CNTN1: variants seen among roughly 807,000 people sequenced by gnomAD.
CNTN1 encodes the protein contactin 1.
Under a neutral mutation model 126.4 loss-of-function variants are expected in CNTN1, and 38 were observed. The observed-to-expected ratio is 0.30, with a 90% CI of 0.23 to 0.39. The LOEUF (loss-of-function observed/expected upper bound fraction) is 0.39, where lower values mean the gene tolerates loss of function less well. Ranked by LOEUF, CNTN1 falls within the 10% of genes least tolerant of loss-of-function variation. CNTN1 has a pLI of 1.00. For synonymous variants in CNTN1, 413 were observed against 422.6 expected (o/e 0.98, Z 0.28); for missense variants, 1,009 against 1,248.4 (o/e 0.81, Z 2.89).
chr12:40,871,186 G>GAAAAAAAA (rs201485882), intron 1 of CNTN1, among the ~76,000 whole-genome samples: 12 of 113,546 alleles, frequency 1.1e-4, no homozygotes, highest in East Asian at 3.9e-4. Flanking sequence ...CTGTTACAGA[G>GAAAAAAAA]AAAAAAAAAA....
At chr12:40,695,697 A>G (rs976106289) in intron 1 of CNTN1, among the ~76,000 whole-genome samples, 1 of 151,788 alleles carries the variant, frequency 6.6e-6, no homozygotes, top group African/African-American at 2.4e-5. Context: ...TCTATTTTCC[A>G]TATTGTCCAT....
At chr12:40,847,028 C>T (rs1326630693) in intron 1 of CNTN1, among the ~76,000 whole-genome samples, 7 of 152,102 alleles carry the variant, frequency 4.6e-5, no homozygotes, top group South Asian at 2.1e-4. Flanking sequence ...CCACCACGCC[C>T]GGCTAAATTT....
At chr12:40,717,688 A>T (rs1402960026) in intron 1 of CNTN1, among the ~76,000 whole-genome samples, 3 of 150,590 alleles carry the variant, frequency 2.0e-5, no homozygotes, top group African/African-American at 7.3e-5. Context: ...TTTATGTAGA[A>T]ATATAGTTTT....
chr12:40,878,114 C>T (rs1423446997), intron 1 of CNTN1, among the ~76,000 whole-genome samples: 1 of 149,846 alleles, frequency 6.7e-6, no homozygotes, highest in Non-Finnish European at 1.5e-5. Context: ...TCTCCTGCCT[C>T]AGCCTCCCGA....
At chr12:41,002,554 C>CTTTTTTTTTTTTT (rs200237008) in intron 17 of CNTN1, among the ~76,000 whole-genome samples, 2 of 131,514 alleles carry the variant, frequency 1.5e-5, no homozygotes, top group Non-Finnish European at 3.2e-5. Flanking sequence ...TATAGGGTTT[C>CTTTTTTTTTTTTT]TTTCTTTTTT....
intron 1 of CNTN1, among the ~76,000 whole-genome samples, chr12:40,797,854 G>A (rs1199246209): frequency 1.3e-5 from 2 of 151,996 alleles, no homozygotes; most frequent in East Asian, 3.9e-4. Context: ...ACATCTAAGT[G>A]GCAGATGGGT....
At chr12:40,953,268 C>T (rs1946752610) in intron 14 of CNTN1, among the ~76,000 whole-genome samples, 3 of 152,130 alleles carry the variant, frequency 2.0e-5, no homozygotes. Context: ...CAACTCTCCT[C>T]ATCTGAAGGG....
intron 23 of CNTN1, among the ~76,000 whole-genome samples, chr12:41,044,785 A>G (rs967670258): frequency 6.6e-6 from 1 of 152,100 alleles, no homozygotes; most frequent in Non-Finnish European, 1.5e-5. Flanking sequence ...GAATTTTCGG[A>G]GAATGAACCA....
chr12:40,700,448 C>G (rs1217726039), intron 1 of CNTN1, among the ~76,000 whole-genome samples: 1 of 152,000 alleles, frequency 6.6e-6, no homozygotes, highest in Non-Finnish European at 1.5e-5. Flanking sequence ...ATCATTTGAA[C>G]CCGGGAGGCA....
At chr12:40,737,355 G>GTC (rs1482206649) in intron 1 of CNTN1, among the ~76,000 whole-genome samples, 2 of 17,362 alleles carry the variant, frequency 1.2e-4, no homozygotes, top group African/African-American at 2.4e-4. Context: ...ATATATGTGT[G>GTC]TGTGTATATA....
chr12:40,710,179 G>A (rs1472388249), intron 1 of CNTN1, among the ~76,000 whole-genome samples: 1 of 152,044 alleles, frequency 6.6e-6, no homozygotes, highest in Non-Finnish European at 1.5e-5. Flanking sequence ...AAAATCTTAT[G>A]AAATCTTATG....
chr12:40,956,302 C>T (rs188770920), intron 14 of CNTN1, among the ~76,000 whole-genome samples: 101 of 152,180 alleles, frequency 6.6e-4, no homozygotes, highest in African/African-American at 2.4e-3. Context: ...ATAAAACAGA[C>T]GTATTTCCTC....
At chr12:40,994,299 T>G (rs1037164708) in intron 17 of CNTN1, among the ~76,000 whole-genome samples, 8 of 152,258 alleles carry the variant, frequency 5.3e-5, no homozygotes, top group Non-Finnish European at 7.4e-5. Context: ...ACTTAGGTCA[T>G]ATTGTATTAG....
chr12:41,035,955 A>T (rs1949250461), intron 23 of CNTN1, among the ~76,000 whole-genome samples: 1 of 152,178 alleles, frequency 6.6e-6, no homozygotes, highest in South Asian at 2.1e-4. Context: ...CAGGAGATGA[A>T]GGACATGATC....
intron 1 of CNTN1, among the ~76,000 whole-genome samples, chr12:40,876,759 C>A (rs1273913379): frequency 1.3e-5 from 2 of 152,056 alleles, no homozygotes; most frequent in South Asian, 2.1e-4. Flanking sequence ...CCAGAAATTT[C>A]TCTGCTTCCT....
In CNTN1 at chr12:40,943,577, A is replaced by G. The variant is rs1441399576; in HGVS notation, c.1380-20A>G. 7 of 1,515,830 alleles carry G rather than the reference A, an allele frequency of 4.6e-6. No homozygotes were observed. The highest frequency in any genetic ancestry group is 5.5e-6 in the Non-Finnish European group (6 of 1,092,170). The allele number at this position is 1,515,830 out of a possible 1,614,324, so 93.9% of individuals were successfully genotyped here. A position where few individuals can be genotyped will look rare whatever the true frequency, so the allele number is the denominator to read the frequency against. ...TTACTAAATCAGGTTTGTGAATTAT[A>G]TATATTTTTATTTCACTAGAATACT... is the stretch of plus-strand genomic sequence containing the variant. On this transcript the variant is annotated intron_variant, in intron 12 of 23. Transcript: ENST00000551295.
chr12:40,829,974 C>A (rs1941752444), intron 1 of CNTN1, among the ~76,000 whole-genome samples: 2 of 152,074 alleles, frequency 1.3e-5, no homozygotes, highest in South Asian at 4.1e-4. Context: ...TTGGATCTGG[C>A]TGAGTTGACA....
At chr12:40,973,026 A>G (rs1425497220) in intron 15 of CNTN1, among the ~76,000 whole-genome samples, 2 of 152,080 alleles carry the variant, frequency 1.3e-5, no homozygotes, top group Non-Finnish European at 2.9e-5. Context: ...TAAAAATTCT[A>G]AAGGAAATCA....
intron 1 of CNTN1, among the ~76,000 whole-genome samples, chr12:40,799,030 G>A (rs1940549744): frequency 1.3e-5 from 2 of 151,646 alleles, no homozygotes; most frequent in African/African-American, 2.4e-5. Flanking sequence ...TTGAATTACT[G>A]TTCAAGTCTC....
Sources: allele counts gnomAD v4.1 joint callset (sites outside exome capture counted in the v4.1 genomes callset), GRCh38; gene constraint gnomAD v4.1.1; transcripts MANE v1.5; gene names NCBI Gene and HGNC (gene_info 2026-07-23, HGNC 2026-07-21).